The following MBD1 variants were observed in gnomAD, a reference collection of about 807,000 sequenced individuals.
MBD1 encodes methyl-CpG binding domain protein 1, also known as methyl-CpG-binding domain protein 1.
In MBD1, 25 loss-of-function variants were observed where a neutral mutation model predicts 82.6. The observed-to-expected ratio is 0.30, with a 90% confidence interval of 0.22 to 0.42. The LOEUF (loss-of-function observed/expected upper bound fraction) is 0.42. Among genes scored for constraint, MBD1 ranks in the 10% least tolerant of loss-of-function variants. MBD1 has a pLI of 1.00. For synonymous variants in MBD1, 301 were observed against 303.7 expected (o/e 0.99, Z 0.09); for missense variants, 627 against 819.6 (o/e 0.76, Z 2.87).
intron 16 of MBD1, chr18:50,270,358 C>T (rs2035000333): frequency 3.2e-6 from 2 of 619,454 alleles, no homozygotes; most frequent in African/African-American, 1.8e-5. Context: ...ATCTTTTTGG[C>T]ACTTTATGAA....
At chr18:50,267,439 A>G (rs1599143379), downstream of MBD1, 4 of 606,630 alleles carry the variant, frequency 6.6e-6, no homozygotes, top group Non-Finnish European at 1.2e-5. Flanking sequence ...GGATGGGGGC[A>G]GATCAAATGG....
In MBD1 at chr18:50,273,738, G is replaced by T. The variant is rs764003398; in HGVS notation, c.1272C>A (p.Thr424=). The T allele has an allele frequency of 1.2e-6, 2 of 1,614,056 alleles. No individual in the cohort carries two copies. Among genetic ancestry groups the T allele is most frequent in the Non-Finnish European group, 1.7e-6 (2 of 1,180,052 alleles). The change falls in exon 12 of 17, where the codon ACC becomes ACA. Residue 424 remains threonine (T), a synonymous_variant. Transcript: ENST00000269468. ...CTGGTTGGGCTGTGCGTGTAGCCAA[G>T]GTGGGCTTCAAGGTAGGGCCAAGAT... ...RHHLGPTLKP[T]LATRTAQPDH...
downstream of MBD1, chr18:50,267,456 G>A (rs1489785337): frequency 1.6e-6 from 1 of 639,842 alleles, no homozygotes; most frequent in East Asian, 2.7e-5. Flanking sequence ...ATGGACTAGT[G>A]GGGCAGTGGC....
intron 11 of MBD1, 137 bp from the exon 12 acceptor site, chr18:50,274,000 G>C: frequency 7.6e-7 from 1 of 1,321,408 alleles, no homozygotes; most frequent in Non-Finnish European, 1.1e-6. Flanking sequence ...TCATCACTGA[G>C]CCTGCTAGTC....
intron 10 of MBD1, 75 bp downstream of exon 10, chr18:50,274,902 C>G: frequency 1.3e-6 from 2 of 1,488,014 alleles, no homozygotes; most frequent in African/African-American, 2.8e-5. Context: ...TAGGCTCATT[C>G]CAGCATCTGC....
chr18:50,273,938 C>A (rs940469580), intron 11 of MBD1, 75 bp from the exon 12 acceptor site: 4 of 1,554,632 alleles, frequency 2.6e-6, no homozygotes, highest in Non-Finnish European at 3.5e-6. Context: ...GCTCCACATG[C>A]CTGCTAATCT....
rs760591712 is a variant in MBD1 at position 50,269,650 on chromosome 18, C to A, written c.*201G>T. On this transcript the variant is annotated 3_prime_UTR_variant, in exon 17 of 17. Coordinates refer to ENST00000269468, the MANE Select transcript of MBD1 (RefSeq NM_015846.4). Reference sequence around the variant, plus strand: ...ATATTTAACTCTGTGAGGAAGGGCACCAGCTTCTTCTGCAGGACACCCACA... The same window carrying A: ...ATATTTAACTCTGTGAGGAAGGGCAACAGCTTCTTCTGCAGGACACCCACA... 1.3e-5 allele frequency: 10 copies of A among 749,510 alleles called. No homozygotes were observed. Among genetic ancestry groups the A allele is most frequent in the Middle Eastern group, 4.5e-4 (2 of 4,422 alleles). 46.4% of individuals were successfully genotyped at this position (749,510 alleles called of 1,614,324 possible). A position where few individuals can be genotyped will look rare whatever the true frequency, so the allele number is the denominator to read the frequency against.
chr18:50,274,427 G>C, intron 10 of MBD1, 74 bp from the exon 11 acceptor site: 1 of 1,499,728 alleles, frequency 6.7e-7, no homozygotes, highest in Admixed American at 1.8e-5. Context: ...TTCCAGTGCT[G>C]GTCCTGGTGC....
chr18:50,267,705 A>G (rs181596500), downstream of MBD1: 34 of 1,378,652 alleles, frequency 2.5e-5, no homozygotes, highest in Middle Eastern at 1.8e-4. Flanking sequence ...CTCCCATTCT[A>G]AAGTGGGGGT....
Position 50,277,147 on chromosome 18 carries a change from C to G in MBD1, c.168G>C (p.Ala56=), listed in dbSNP as rs372919636. 2 of 1,614,210 alleles carry G rather than the reference C, an allele frequency of 1.2e-6. No homozygotes were observed. The highest frequency in any genetic ancestry group is 1.1e-5 in the South Asian group (1 of 91,084). The part of the protein sequence containing the change: ...KVELTRYLGP[A]CDLTLFDFKQ... Reference sequence around the variant, plus strand: ...TGAAGTCGAAGAGGGTGAGATCACACGCAGGGCCCAGGTATCGAGTCAGCT... The same window carrying G: ...TGAAGTCGAAGAGGGTGAGATCACAGGCAGGGCCCAGGTATCGAGTCAGCT... Residue 56 remains alanine, a synonymous_variant, in exon 3 of 17, where the codon GCG becomes GCC. Coordinates refer to ENST00000269468, the MANE Select transcript of MBD1 (RefSeq NM_015846.4).
downstream of MBD1, among the ~76,000 whole-genome samples, chr18:50,268,594 C>CT: frequency 6.6e-6 from 1 of 152,246 alleles, no homozygotes; most frequent in East Asian, 1.9e-4. Flanking sequence ...TGGCTGGGAA[C>CT]TACGGGCTTT....
downstream of MBD1, among the ~76,000 whole-genome samples, chr18:50,268,608 G>A (rs1270264612): frequency 6.6e-6 from 1 of 152,238 alleles, no homozygotes; most frequent in Admixed American, 6.5e-5. Context: ...GGGCTTTCTC[G>A]CCCCGGCGCC....
chr18:50,277,992 G>A (rs1413055366), intron 2 of MBD1, among the ~76,000 whole-genome samples: 5 of 152,338 alleles, frequency 3.3e-5, no homozygotes, highest in African/African-American at 1.2e-4. Flanking sequence ...TCGTGCAGGG[G>A]ATACATCCCA....
Position 50,275,897 on chromosome 18 carries a change from C to G in MBD1, c.601G>C (p.Asp201His). ...CSTCLLQLPH[D>H]VASGLFCKCE... ...TTGCAGAACAGCCCCGATGCCACATCATGGGGCAGCTGCAGGAGGCAGGTG... is the reference window on the plus strand; with the variant it reads ...TTGCAGAACAGCCCCGATGCCACATGATGGGGCAGCTGCAGGAGGCAGGTG... The change falls in exon 7 of 17, where the codon GAT becomes CAT. Residue 201 changes from aspartate (D) to histidine (H), a missense_variant. Transcript: ENST00000269468. 1 of 1,614,196 alleles carries G rather than the reference C, an allele frequency of 6.2e-7. No homozygotes were observed. Among genetic ancestry groups the G allele is most frequent in the Non-Finnish European group, 8.5e-7 (1 of 1,180,016 alleles).
At chr18:50,270,160 G>A (rs1385691592) in intron 16 of MBD1, 1 of 1,598,022 alleles carries the variant, frequency 6.3e-7, no homozygotes, top group African/African-American at 1.3e-5. Context: ...ATAAAGGAAG[G>A]GGTGGGGAAG....
At position 50,273,580 on chromosome 18, in the gene MBD1, G is replaced by C. The variant is rs1342630411; in HGVS notation, c.1430C>G (p.Thr477Arg). The C allele has an allele frequency of 6.2e-7, 1 of 1,612,928 alleles. No individual in the cohort carries two copies. Among genetic ancestry groups the C allele is most frequent in the Non-Finnish European group, 8.5e-7 (1 of 1,180,020 alleles). The part of the protein sequence containing the change: ...VQVPGPVAAS[T>R]EALLQEAQCS... ...GGCCCTCACCTGCAACAGGGCTTCT[G>C]TGGAAGCTGCAACAGGGCCCGGCAC... Residue 477 changes from threonine to arginine, a missense_variant, in exon 12 of 17, where the codon ACA (threonine) becomes AGA (arginine). Coordinates refer to ENST00000269468, the MANE Select transcript of MBD1 (RefSeq NM_015846.4).
chr18:50,281,419 G>A lies in MBD1; in HGVS notation c.-82C>T. 2 of 626,322 alleles carry A rather than the reference G, an allele frequency of 3.2e-6. No individual in the cohort carries two copies. Among genetic ancestry groups the A allele is most frequent in the East Asian group, 2.7e-5 (1 of 36,384 alleles). 38.8% of individuals were successfully genotyped at this position (626,322 alleles called of 1,614,324 possible). Reference sequence around the variant, plus strand: ...CTCTAGGCCCGTGGACCCATGGCGAGGGTCCCTCCTGCACCTCCCGCCTCG... The same window carrying A: ...CTCTAGGCCCGTGGACCCATGGCGAAGGTCCCTCCTGCACCTCCCGCCTCG... On this transcript the variant is annotated 5_prime_UTR_variant, in exon 1 of 17. Coordinates refer to ENST00000269468, the MANE Select transcript of MBD1 (RefSeq NM_015846.4).
Position 50,274,988 on chromosome 18 carries a change from C to G in MBD1, c.967G>C (p.Glu323Gln). ...GTGGGGCCACTCACTAGCTCGTCCT[C>G]GTCTACACAGTAATAGATGAACTCG... ...PAEFIYYCVDEDELQPYTNRR... is the reference protein window; with the variant it reads ...PAEFIYYCVDQDELQPYTNRR... Residue 323 changes from glutamate (E) to glutamine (Q), a missense_variant, in exon 10 of 17, where the codon GAG (glutamate) becomes CAG (glutamine). By Grantham distance (29) the Glu-to-Gln change is conservative (BLOSUM62 2). Coordinates refer to ENST00000269468, the MANE Select transcript of MBD1 (RefSeq NM_015846.4). The G allele has an allele frequency of 6.2e-7, 1 of 1,610,428 alleles. No homozygotes were observed. The highest frequency in any genetic ancestry group is 1.1e-5 in the South Asian group (1 of 90,906).
chr18:50,270,159 G>T, intron 16 of MBD1: 1 of 1,598,228 alleles, frequency 6.3e-7, no homozygotes, highest in East Asian at 2.2e-5. Flanking sequence ...AATAAAGGAA[G>T]GGGTGGGGAA....
Sources: allele counts gnomAD v4.1 joint callset (sites outside exome capture counted in the v4.1 genomes callset), GRCh38; gene constraint gnomAD v4.1.1; transcripts MANE v1.5; gene names NCBI Gene and HGNC (gene_info 2026-07-23, HGNC 2026-07-21).